Variants in KIF6 observed in about 807,000 individuals in gnomAD.
KIF6 encodes kinesin-like protein KIF6.
Under a neutral mutation model 112.7 loss-of-function variants are expected in KIF6, and 106 were observed. That is an observed-to-expected ratio of 0.94 (90% confidence interval 0.80 to 1.11). The LOEUF is 1.11. KIF6 is among the 50% of genes least tolerant of loss of function. The pLI, the probability that KIF6 is intolerant of heterozygous loss-of-function variation, is 0.00. For missense variants in KIF6, 929 were observed against 964.0 expected, an observed-to-expected ratio of 0.96 and a Z score of 0.48; for synonymous variants, 339 against 339.9, an observed-to-expected ratio of 1.00 and a Z score of 0.03.
At chr6:39,654,807 C>T (rs557926575) in intron 3 of KIF6, among the ~76,000 whole-genome samples, 3 of 152,156 alleles carry the variant, frequency 2.0e-5, no homozygotes, top group Non-Finnish European at 4.4e-5. Flanking sequence ...AATTTGTTCA[C>T]TCAACAATGT....
At chr6:39,363,222 C>T (rs1414635740) in intron 16 of KIF6, among the ~76,000 whole-genome samples, 4 of 152,132 alleles carry the variant, frequency 2.6e-5, no homozygotes, top group African/African-American at 9.7e-5. Flanking sequence ...CTCTCTAAAC[C>T]ATCTGACATC....
chr6:39,563,446 T>G (rs1222961300), intron 10 of KIF6, among the ~76,000 whole-genome samples: 1 of 152,202 alleles, frequency 6.6e-6, no homozygotes, highest in Non-Finnish European at 1.5e-5. Flanking sequence ...ACTAACAGTA[T>G]AGTTTAGACA....
rs9471108 is a variant in KIF6 at position 39,455,811 on chromosome 6, G to T, written c.1646-24650C>A. ...TGAATGAAATGAAGCGAGAAGGGAA[G>T]TTTAGAGAAAAAAGAATAAAAAGAA... On this transcript the variant is annotated intron_variant, in intron 13 of 22. Coordinates refer to ENST00000287152, the MANE Select transcript of KIF6 (RefSeq NM_145027.6). Among the ~76,000 whole-genome samples the T allele has an allele frequency of 8.7e-4, 131 of 150,606 alleles. 1 individual carries two copies. The highest frequency in any genetic ancestry group is 3.0e-3 in the African/African-American group (122 of 40,870).
At chr6:39,654,946 A>G (rs2150799250) in intron 3 of KIF6, among the ~76,000 whole-genome samples, 1 of 152,288 alleles carries the variant, frequency 6.6e-6, no homozygotes, top group South Asian at 2.1e-4. Flanking sequence ...ATTACTTGCC[A>G]TTACAAACAG....
intron 3 of KIF6, among the ~76,000 whole-genome samples, chr6:39,680,731 A>G (rs1404245456): frequency 1.3e-5 from 2 of 152,260 alleles, no homozygotes; most frequent in Non-Finnish European, 2.9e-5. Flanking sequence ...AAAGGCCAGT[A>G]GAAGATGTAG....
intron 13 of KIF6, among the ~76,000 whole-genome samples, chr6:39,449,366 TC>T (rs1772539177): frequency 1.3e-5 from 2 of 152,348 alleles, no homozygotes; most frequent in South Asian, 4.1e-4. Context: ...ACCCAGGTAT[TC>T]TTTGTTCATG....
intron 5 of KIF6, 28 bp downstream of exon 5, chr6:39,634,821 C>T (rs1295286303): frequency 1.6e-6 from 2 of 1,250,364 alleles, no homozygotes; most frequent in African/African-American, 1.5e-5. Flanking sequence ...AGTAATTTCC[C>T]TCCATTCTTT....
At chr6:39,415,118 C>G (rs574878324) in intron 15 of KIF6, among the ~76,000 whole-genome samples, 55 of 152,008 alleles carry the variant, frequency 3.6e-4, no homozygotes, top group Admixed American at 5.9e-4. Flanking sequence ...ACCCGGGAGG[C>G]AGAAGTTGCA....
chr6:39,722,648 T>C (rs1208461963), intron 1 of KIF6, among the ~76,000 whole-genome samples: 1 of 152,200 alleles, frequency 6.6e-6, no homozygotes. Context: ...AAAATTCCTT[T>C]GAGTCACTCT....
intron 3 of KIF6, among the ~76,000 whole-genome samples, chr6:39,644,840 G>T (rs1278826885): frequency 1.3e-5 from 2 of 152,158 alleles, no homozygotes; most frequent in Admixed American, 6.5e-5. Flanking sequence ...CAAAGCTGTT[G>T]TAACAATAAA....
At chr6:39,623,469 CT>C (rs1195716742) in intron 5 of KIF6, among the ~76,000 whole-genome samples, 5 of 152,256 alleles carry the variant, frequency 3.3e-5, no homozygotes, top group African/African-American at 1.2e-4. Context: ...GAAAAATGTA[CT>C]ATCTTGTTCA....
At chr6:39,512,575 C>G (rs892317538) in intron 13 of KIF6, among the ~76,000 whole-genome samples, 8 of 152,176 alleles carry the variant, frequency 5.3e-5, no homozygotes, top group African/African-American at 1.9e-4. Context: ...TTGTGTGTCT[C>G]TCTGTCACAG....
At chr6:39,407,459 G>A (rs2395726) in intron 15 of KIF6, among the ~76,000 whole-genome samples, 146,916 of 152,266 alleles carry the variant, frequency 0.96, 70,894 homozygotes, top group East Asian at 1. Context: ...AAAAAGGAGG[G>A]CCCAAGGATC....
chr6:39,436,860 G>T (rs1771566185), intron 13 of KIF6, among the ~76,000 whole-genome samples: 1 of 151,744 alleles, frequency 6.6e-6, no homozygotes, highest in Non-Finnish European at 1.5e-5. Flanking sequence ...CTCTTTTTTT[G>T]GTTCCATATT....
intron 13 of KIF6, among the ~76,000 whole-genome samples, chr6:39,433,003 G>A (rs1041325025): frequency 6.6e-6 from 1 of 152,154 alleles, no homozygotes; most frequent in African/African-American, 2.4e-5. Flanking sequence ...TGGGGTGGGA[G>A]TGAAAGCTTG....
At chr6:39,655,740 T>G (rs1785746528) in intron 3 of KIF6, among the ~76,000 whole-genome samples, 1 of 152,220 alleles carries the variant, frequency 6.6e-6, no homozygotes, top group Non-Finnish European at 1.5e-5. Flanking sequence ...CATGGGTCTA[T>G]TTCTGAGCTA....
intron 22 of KIF6, among the ~76,000 whole-genome samples, chr6:39,337,172 C>CTTCTTTCTTTCCTTCTTTCTTTCTTTCT (rs1763014629): frequency 8.4e-5 from 5 of 59,504 alleles, no homozygotes; most frequent in Admixed American, 7.9e-4. Flanking sequence ...TCTTTCCTTC[C>CTTCTTTCTTTCCTTCTTTCTTTCTTTCT]TTCTTTCTTT....
In KIF6 at chr6:39,421,808, T is replaced by C. The variant is rs892347437; in HGVS notation, c.1755-1805A>G. 5.9e-5 allele frequency among the ~76,000 whole-genome samples: 9 copies of C among 152,312 alleles called. No homozygotes were observed. In the East Asian group the frequency reaches 1.5e-3, roughly 26 times the overall value. On this transcript the variant is annotated intron_variant, in intron 14 of 22. Coordinates refer to ENST00000287152, the MANE Select transcript of KIF6 (RefSeq NM_145027.6). ...CTTCCAGGGAGAAGTACAGTTCCAC[T>C]TGATGCAATTCAGACATTTACATGA...
chr6:39,448,575 C>T (rs1194699327), intron 13 of KIF6, among the ~76,000 whole-genome samples: 1 of 152,210 alleles, frequency 6.6e-6, no homozygotes, highest in Non-Finnish European at 1.5e-5. Flanking sequence ...AAACAGCTGA[C>T]AAGCTCCCTC....
Sources: gnomAD v4.1 joint callset for allele counts (sites outside exome capture counted in the v4.1 genomes callset) on GRCh38, gnomAD v4.1.1 for gene constraint, MANE v1.5 for transcripts, NCBI Gene and HGNC (gene_info 2026-07-23, HGNC 2026-07-21) for gene names.